UBE2Q1: variants seen among roughly 807,000 people sequenced by gnomAD.
The protein encoded by UBE2Q1 is ubiquitin-conjugating enzyme E2 Q1.
In UBE2Q1, 6 loss-of-function variants were observed where a neutral mutation model predicts 60.1. That is an observed-to-expected ratio of 0.10 (90% CI 0.05 to 0.20). The LOEUF (loss-of-function observed/expected upper bound fraction) is 0.20, where lower values mean the gene tolerates loss of function less well. UBE2Q1 is among the 10% of genes least tolerant of loss of function. The pLI is 1.00. For missense variants in UBE2Q1, 262 were observed against 525.8 expected, an observed-to-expected ratio of 0.50 and a Z score of 4.91; for synonymous variants, 226 against 208.3, an observed-to-expected ratio of 1.09 and a Z score of -0.73.
chr1:154,557,304 A>G (rs992581976), intron 1 of UBE2Q1, among the ~76,000 whole-genome samples: 1 of 152,244 alleles, frequency 6.6e-6, no homozygotes, highest in African/African-American at 2.4e-5. Flanking sequence ...TCCGGTAGAG[A>G]GAATACCATC....
rs1695801194 is a variant in UBE2Q1, at chr1:154,552,167, C to T, written c.892G>A (p.Ala298Thr). ...VKLLKVDQDS[A>T]LHNDLQILKE... ...AGGATCTGGAGATCGTTGTGCAAAG[C>T]GCTGTCCTGGTCAACTCTAAGAAGC... The change falls in exon 8 of 13, where the codon GCT becomes ACT. Residue 298 changes from alanine to threonine, a missense_variant. Physicochemically the swap from Ala to Thr is moderately conservative, Grantham distance 58. Coordinates refer to ENST00000292211, the MANE Select transcript of UBE2Q1 (RefSeq NM_017582.7). 8 of 1,614,188 alleles carry T rather than the reference C, an allele frequency of 5.0e-6. No homozygotes were observed. Among genetic ancestry groups the T allele is most frequent in the Non-Finnish European group, 6.8e-6 (8 of 1,180,044 alleles).
Position 154,553,163 on chromosome 1 carries a change from C to A in UBE2Q1, c.598G>T (p.Asp200Tyr), listed in dbSNP as rs1290868665. The A allele has an allele frequency of 1.2e-6, 2 of 1,612,660 alleles. No homozygotes were observed. The highest frequency in any genetic ancestry group is 1.1e-5 in the South Asian group (1 of 91,038). ...TCTTTCATTTCATAGTGATCTAAGT[C>A]TTCTGTGTCCTGGAGGAGGTGTGGG... ...EDEEMPEDTE[D>Y]LDHYEMKEEE... The change falls in exon 5 of 13, where the codon GAC becomes TAC. Residue 200 changes from aspartate (D) to tyrosine (Y), a missense_variant. Transcript: ENST00000292211.
At chr1:154,555,592 A>G in intron 2 of UBE2Q1, 60 bp from the exon 3 acceptor site, 2 of 1,496,530 alleles carry the variant, frequency 1.3e-6, no homozygotes, top group Non-Finnish European at 1.9e-6. Flanking sequence ...GGATAAGTGC[A>G]TGGATGAGCT....
At chr1:154,558,179 G>A in intron 1 of UBE2Q1, 48 bp downstream of exon 1, 1 of 1,435,676 alleles carries the variant, frequency 7.0e-7, no homozygotes, top group Non-Finnish European at 9.3e-7. Context: ...GTGATCCTGG[G>A]TCCCTGACAA....
At chr1:154,552,966 T>C (rs1695818068) in intron 5 of UBE2Q1, 66 bp downstream of exon 5, 3 of 1,603,900 alleles carry the variant, frequency 1.9e-6, no homozygotes, top group Admixed American at 1.7e-5. Context: ...TGAGATGCGA[T>C]GGCCTACTAC....
At position 154,550,194 on chromosome 1, in the gene UBE2Q1, A is replaced by C. The variant is rs1695770432; in HGVS notation, c.*244T>G. The C allele has an allele frequency of 2.1e-6, 1 of 484,842 alleles. No homozygotes were observed. Among genetic ancestry groups the C allele is most frequent in the African/African-American group, 2.0e-5 (1 of 50,814 alleles). The allele number at this position is 484,842 out of a possible 1,614,324, so 30.0% of individuals were successfully genotyped here. On this transcript the variant is annotated 3_prime_UTR_variant, in exon 13 of 13. Transcript: ENST00000292211. ...AGTTTCTTTTATAAGAATGCCTGCT[A>C]GCAAGGGTTCCAGCAAGGTGGTTGG...
rs909256799 is a variant in UBE2Q1, at chr1:154,552,349, A to G, written c.875+55T>C. The G allele has an allele frequency of 3.7e-6, 6 of 1,607,442 alleles. No individual in the cohort carries two copies. In the African/African-American group the frequency reaches 4.0e-5, roughly 11 times the overall value. On this transcript the variant is annotated intron_variant, in intron 7 of 12. Transcript: ENST00000292211. ...GCTGCCCTGGAGATCCCACCACAGT[A>G]GCCCCACTCACACTCCTCCTCAACT...
chr1:154,555,366 T>C, intron 3 of UBE2Q1, 62 bp downstream of exon 3: 1 of 1,397,506 alleles, frequency 7.2e-7, no homozygotes, highest in Admixed American at 1.7e-5. Context: ...GTCTCAATTA[T>C]TTACTGAGTA....
chr1:154,555,463 C>A lies in UBE2Q1; in HGVS notation c.502G>T (p.Val168Leu), dbSNP rs766865464. 1 of 1,614,184 alleles carries A rather than the reference C, an allele frequency of 6.2e-7. No individual in the cohort carries two copies. The highest frequency in any genetic ancestry group is 8.5e-7 in the Non-Finnish European group (1 of 1,180,034). Residue 168 changes from valine (V) to leucine (L), a missense_variant, in exon 3 of 13, where the codon GTG becomes TTG. Val to Leu is a conservative substitution (Grantham distance 32). Coordinates refer to ENST00000292211, the MANE Select transcript of UBE2Q1 (RefSeq NM_017582.7). ...KLYNLPQHPD[V>L]EMLDQPLPAE... is the part of the protein sequence containing the mutation. ...GGCAAGGGTTGATCCAGCATCTCCA[C>A]ATCTGGATGCTGAGGGAGGTTATAG...
chr1:154,555,368 T>C (rs1286158278), intron 3 of UBE2Q1, 60 bp downstream of exon 3: 1 of 1,409,438 alleles, frequency 7.1e-7, no homozygotes, highest in Non-Finnish European at 1.0e-6. Context: ...CTCAATTATT[T>C]ACTGAGTACC....
chr1:154,549,577 C>G lies in UBE2Q1; in HGVS notation c.*861G>C, dbSNP rs944516666. 2 of 150,176 alleles carry G rather than the reference C, an allele frequency of 1.3e-5. No individual in the cohort carries two copies. The highest frequency in any genetic ancestry group is 3.8e-4 in the East Asian group (2 of 5,206). 9.3% of individuals were successfully genotyped at this position (150,176 alleles called of 1,614,324 possible). A position where few individuals can be genotyped will look rare whatever the true frequency, so the allele number is the denominator to read the frequency against. ...GAGATCAGAAAAGACCACATACACA[C>G]TTGGAGACTGTGTCCCCATCCCCAC... On this transcript the variant is annotated 3_prime_UTR_variant, in exon 13 of 13. Transcript: ENST00000292211.
chr1:154,553,773 C>G lies in UBE2Q1; in HGVS notation c.589-601G>C, dbSNP rs116951646. The G allele has an allele frequency of 7.1e-4, 109 of 152,794 alleles. 3 individuals are homozygous for G. In the East Asian group the frequency reaches 0.02, roughly 28 times the overall value. 9.5% of individuals were successfully genotyped at this position (152,794 alleles called of 1,614,324 possible). ...GAATTAGCCCCTTATTCATCCTGCTCTAAGTGAGCAAGCAACTAGCTCACT... is the reference window on the plus strand; with the variant it reads ...GAATTAGCCCCTTATTCATCCTGCTGTAAGTGAGCAAGCAACTAGCTCACT... On this transcript the variant is annotated intron_variant, in intron 4 of 12. Transcript: ENST00000292211.
At chr1:154,553,734 A>G (rs1410376859) in intron 4 of UBE2Q1, 6 of 153,924 alleles carry the variant, frequency 3.9e-5, no homozygotes, top group Non-Finnish European at 8.7e-5. Flanking sequence ...GATATATGGA[A>G]GAGGTCAAGA....
At chr1:154,552,023 C>T in intron 8 of UBE2Q1, 44 bp from the exon 9 acceptor site, 1 of 1,613,982 alleles carries the variant, frequency 6.2e-7, no homozygotes, top group Non-Finnish European at 8.5e-7. Flanking sequence ...AGGCCAGCAT[C>T]CTCCACAGGA....
At chr1:154,551,343 C>T in intron 11 of UBE2Q1, 54 bp downstream of exon 11, 1 of 1,581,838 alleles carries the variant, frequency 6.3e-7, no homozygotes, top group East Asian at 2.2e-5. Context: ...GCTAGTGGCC[C>T]CAAGTGTACT....
rs760674557 is a variant in UBE2Q1, at chr1:154,552,296, G to A, written c.875+108C>T. 60 of 1,589,576 alleles carry A rather than the reference G, an allele frequency of 3.8e-5. No homozygotes were observed. The East Asian group carries it at 5.1e-4, about 14-fold the overall frequency. Reference sequence around the variant, plus strand: ...CGAAACCACTGCCCACACCCGCTCCGGGACCCTGAATGAAAATGCTGGATG... The same window carrying A: ...CGAAACCACTGCCCACACCCGCTCCAGGACCCTGAATGAAAATGCTGGATG... On this transcript the variant is annotated intron_variant, in intron 7 of 12. Transcript: ENST00000292211.
At position 154,558,450 on chromosome 1, in the gene UBE2Q1, G is replaced by A. The variant is rs765835407; in HGVS notation, c.104C>T (p.Pro35Leu). 1.4e-5 allele frequency: 21 copies of A among 1,467,034 alleles called. No homozygotes were observed. Among genetic ancestry groups the A allele is most frequent in the South Asian group, 6.5e-5 (5 of 77,078 alleles). The allele number at this position is 1,467,034 out of a possible 1,614,324, so 90.9% of individuals were successfully genotyped here. ...TCGCCTCAGGCAGGGCCCCGGCCCC[G>A]GGCCCCCCCCTGGGCCGCCCCCGGC... ...PGAGGGPGGG[P>L]GPGPCLRREL... Residue 35 changes from proline to leucine, a missense_variant, in exon 1 of 13, where the codon CCG becomes CTG. By Grantham distance (98) the Pro-to-Leu change is moderately conservative. This residue lies in a region of UBE2Q1 where 70 missense variants were observed against 56.7 expected (regional missense o/e 1.24). Coordinates refer to ENST00000292211, the MANE Select transcript of UBE2Q1 (RefSeq NM_017582.7).
At position 154,551,764 on chromosome 1, in the gene UBE2Q1, G is replaced by C. The variant is rs1695794298; in HGVS notation, c.1074+7C>G. The C allele has an allele frequency of 1.2e-6, 2 of 1,614,070 alleles. No homozygotes were observed. Among genetic ancestry groups the C allele is most frequent in the African/African-American group, 2.7e-5 (2 of 74,930 alleles). On this transcript the variant is annotated splice_region_variant and intron_variant, in intron 10 of 12. Transcript: ENST00000292211. ...CCGGCCTGGCCAAGGAGGAGAGACAGGCTCACCTGTTTGGTGAGAAGTTCC... is the reference window on the plus strand; with the variant it reads ...CCGGCCTGGCCAAGGAGGAGAGACACGCTCACCTGTTTGGTGAGAAGTTCC...
Position 154,555,867 on chromosome 1 carries a change from T to C in UBE2Q1, c.425A>G (p.Asn142Ser). The C allele has an allele frequency of 6.2e-7, 1 of 1,614,086 alleles. No homozygotes were observed. The stretch of plus-strand genomic sequence containing the variant: ...ACCCTGTGGCCCCCTCACCAGAGTA[T>C]TCCCTTTCTTTATGTCCACCAGCCT... ...LERLVDIKKGNTLLLQHLKRI... is the reference protein window; with the variant it reads ...LERLVDIKKGSTLLLQHLKRI... Residue 142 changes from asparagine (N) to serine (S), a missense_variant, in exon 2 of 13, where the codon AAT becomes AGT. Transcript: ENST00000292211.
Sources: allele counts gnomAD v4.1 joint callset (sites outside exome capture counted in the v4.1 genomes callset), GRCh38; gene constraint gnomAD v4.1.1; regional missense constraint gnomAD v4.1.1; transcripts MANE v1.5; gene names NCBI Gene and HGNC (gene_info 2026-07-23, HGNC 2026-07-21).